The following YME1L1 variants were observed in gnomAD, a reference collection of about 807,000 sequenced individuals.
YME1L1 encodes the protein ATP-dependent zinc metalloprotease YME1L1.
YME1L1 carries 39 observed loss-of-function variants against 90.4 expected under a neutral mutation model. That is an observed-to-expected ratio of 0.43 (90% CI 0.33 to 0.56). The LOEUF (loss-of-function observed/expected upper bound fraction) is 0.56. YME1L1 is among the 20% of genes least tolerant of loss of function. The pLI, the probability that YME1L1 is intolerant of heterozygous loss-of-function variation, is 0.03. For synonymous variants in YME1L1, 284 were observed against 287.3 expected, an observed-to-expected ratio of 0.99 and a Z score of 0.12; for missense variants, 617 against 868.4, an observed-to-expected ratio of 0.71 and a Z score of 3.64.
At chr10:27,130,131 C>G (rs956272304) in intron 8 of YME1L1, among the ~76,000 whole-genome samples, 12 of 152,320 alleles carry the variant, frequency 7.9e-5, no homozygotes, top group African/African-American at 2.9e-4. Flanking sequence ...CACCAATGAC[C>G]TACTGCTAAA....
At chr10:27,124,705 C>T (rs992774828) in intron 9 of YME1L1, among the ~76,000 whole-genome samples, 2 of 150,918 alleles carry the variant, frequency 1.3e-5, no homozygotes, top group Non-Finnish European at 1.5e-5. Flanking sequence ...TTAAAATACT[C>T]CTTGTGATTA....
chr10:27,116,217 A>T lies in YME1L1; in HGVS notation c.1846+2T>A. 6.2e-7 allele frequency: 1 copy of T among 1,614,178 alleles called. No homozygotes were observed. The highest frequency in any genetic ancestry group is 8.5e-7 in the Non-Finnish European group (1 of 1,180,022). On this transcript the variant is annotated splice_donor_variant, in intron 16 of 18. Coordinates refer to ENST00000376016, the MANE Select transcript of YME1L1 (RefSeq NM_014263.4). LOFTEE classifies it high-confidence loss of function. ...GAACTAAAGCCATTCTTTAAAGCTAACCTGTTGTAATATGGTCGGTTCCAA... is the reference window on the plus strand; with the variant it reads ...GAACTAAAGCCATTCTTTAAAGCTATCCTGTTGTAATATGGTCGGTTCCAA...
intron 13 of YME1L1, 117 bp from the exon 14 acceptor site, chr10:27,119,566 T>G (rs1258060263): frequency 2.7e-6 from 3 of 1,121,470 alleles, no homozygotes; most frequent in African/African-American, 3.3e-5. Flanking sequence ...CCCAGCACTT[T>G]GGGAGGCTGG....
rs554122531 is a variant in YME1L1, at chr10:27,136,187, T to A, written c.540+89A>T. 1.8e-4 allele frequency: 187 copies of A among 1,040,196 alleles called. 1 individual carries two copies. Among genetic ancestry groups the A allele is most frequent in the Admixed American group, 1.2e-3 (55 of 46,904 alleles). The allele number at this position is 1,040,196 out of a possible 1,614,324, so 64.4% of individuals were successfully genotyped here. On this transcript the variant is annotated intron_variant, in intron 5 of 18. Coordinates refer to ENST00000376016, the MANE Select transcript of YME1L1 (RefSeq NM_014263.4). Reference sequence around the variant, plus strand: ...TAGTGGAAAGAAGGAAGAATATCTATCAGCCAACAAAAGAAATCAGATATT... The same window carrying A: ...TAGTGGAAAGAAGGAAGAATATCTAACAGCCAACAAAAGAAATCAGATATT...
intron 1 of YME1L1, chr10:27,153,332 C>G (rs1284460485): frequency 2.2e-6 from 1 of 458,184 alleles, no homozygotes; most frequent in Non-Finnish European, 4.4e-6. Flanking sequence ...AAAAGTTACA[C>G]AAAGGAACAC....
At chr10:27,115,995 C>T (rs186750519) in intron 17 of YME1L1, 65 bp downstream of exon 17, 1 of 1,394,318 alleles carries the variant, frequency 7.2e-7, no homozygotes. Flanking sequence ...ATAATCAGAA[C>T]CAGCTCTCAA....
At position 27,134,937 on chromosome 10, in the gene YME1L1, G is replaced by A. The variant is rs2057012115; in HGVS notation, c.585C>T (p.Asp195=). The A allele has an allele frequency of 2.5e-6, 4 of 1,613,138 alleles. No homozygotes were observed. The African/African-American group carries it at 5.3e-5, about 22-fold the overall frequency. Residue 195 remains aspartate, a synonymous_variant, in exon 6 of 19, where the codon GAC becomes GAT. Transcript: ENST00000376016. ...RDRGSDVESL[D]KLMKTKNIPE... is the part of the protein sequence containing the mutation. ...GTATATTTTTGGTTTTCATGAGTTT[G>A]TCCAAACTCTCAACATCTGATCCTC...
At chr10:27,115,725 A>G (rs2056806325) in intron 17 of YME1L1, among the ~76,000 whole-genome samples, 1 of 152,170 alleles carries the variant, frequency 6.6e-6, no homozygotes, top group Non-Finnish European at 1.5e-5. Context: ...AGGAACAATG[A>G]CAAGATGAAA....
In YME1L1 at chr10:27,147,399, A is replaced by C; in HGVS notation, c.168+1507T>G. 2.5e-6 allele frequency: 4 copies of C among 1,595,194 alleles called. No homozygotes were observed. The South Asian group carries it at 4.4e-5, about 18-fold the overall frequency. ...CTGGATGAGAGAGAAGGCTGATGGA[A>C]CAAGTGAAAGATGGCAAGAACCTGA... On this transcript the variant is annotated intron_variant, in intron 2 of 18. Coordinates refer to ENST00000376016, the MANE Select transcript of YME1L1 (RefSeq NM_014263.4).
rs933212273 is a variant in YME1L1 at position 27,139,382 on chromosome 10, T to C, written c.431-2997A>G. ...CTAATTTTTGTTGCTGTTGTTGAGA[T>C]GATGTCTGGGCTTGTTTTGAACTCC... is the stretch of plus-strand genomic sequence containing the variant. On this transcript the variant is annotated intron_variant, in intron 4 of 18. Transcript: ENST00000376016. Among the ~76,000 whole-genome samples the C allele has an allele frequency of 3.8e-4, 58 of 152,064 alleles. 1 individual carries two copies. Among genetic ancestry groups the C allele is most frequent in the Non-Finnish European group, 1.5e-5 (1 of 68,026 alleles).
At chr10:27,127,129 A>C (rs1564459945) in intron 8 of YME1L1, among the ~76,000 whole-genome samples, 1 of 152,240 alleles carries the variant, frequency 6.6e-6, no homozygotes, top group Non-Finnish European at 1.5e-5. Context: ...TTCACGCCAA[A>C]GGGCATTCTG....
At chr10:27,112,636 G>A (rs76006435) in intron 18 of YME1L1, among the ~76,000 whole-genome samples, 2,624 of 152,156 alleles carry the variant, frequency 0.017, 147 homozygotes, top group East Asian at 0.16. Flanking sequence ...CTATCCAACC[G>A]TCTTCATTGT....
chr10:27,145,369 A>G, intron 3 of YME1L1, 59 bp downstream of exon 3: 1 of 1,354,956 alleles, frequency 7.4e-7, no homozygotes, highest in Non-Finnish European at 1.0e-6. Flanking sequence ...AAGAAATGGT[A>G]TCTATAATTA....
chr10:27,117,658 T>C lies in YME1L1; in HGVS notation c.1637A>G (p.His546Arg). 1 of 1,614,236 alleles carries C rather than the reference T, an allele frequency of 6.2e-7. No individual in the cohort carries two copies. The change falls in exon 15 of 19, where the codon CAT (histidine) becomes CGT (arginine). Residue 546 changes from histidine to arginine, a missense_variant. This residue lies in a region of YME1L1 where 212 missense variants were observed against 330.0 expected (regional missense o/e 0.64). Coordinates refer to ENST00000376016, the MANE Select transcript of YME1L1 (RefSeq NM_014263.4). ...TTTTGTGTAATATGCAATAATGGCA[T>C]GACCAGATTCATGATATGCTGTGAT... The part of the protein sequence containing the change: ...KTITAYHESG[H>R]AIIAYYTKDA...
At chr10:27,132,688 G>T (rs1182730873) in intron 7 of YME1L1, among the ~76,000 whole-genome samples, 1 of 151,714 alleles carries the variant, frequency 6.6e-6, no homozygotes, top group Non-Finnish European at 1.5e-5. Context: ...GCATGGTGGC[G>T]CAAGCCTGTA....
At chr10:27,148,815 G>A (rs896068999) in intron 2 of YME1L1, 91 bp downstream of exon 2, 38 of 1,524,282 alleles carry the variant, frequency 2.5e-5, no homozygotes, top group Admixed American at 1.2e-4. Context: ...TTTTGACTAC[G>A]GGGGAGGGAC....
chr10:27,112,167 C>T lies in YME1L1; in HGVS notation c.2008-47G>A, dbSNP rs375162186. The T allele has an allele frequency of 7.1e-5, 110 of 1,550,046 alleles. 1 individual carries two copies. The highest frequency in any genetic ancestry group is 4.3e-5 in the Non-Finnish European group (49 of 1,147,438). On this transcript the variant is annotated intron_variant, in intron 18 of 18. Coordinates refer to ENST00000376016, the MANE Select transcript of YME1L1 (RefSeq NM_014263.4). ...GTAAGCAGCAGCAAATGCAGGGATGCGAAAACCAGTCAATGGGAAGAGAAA... is the reference window on the plus strand; with the variant it reads ...GTAAGCAGCAGCAAATGCAGGGATGTGAAAACCAGTCAATGGGAAGAGAAA...
intron 2 of YME1L1, chr10:27,147,379 TGA>T: frequency 1.3e-6 from 2 of 1,551,064 alleles, no homozygotes; most frequent in Non-Finnish European, 1.8e-6. Flanking sequence ...CTAGACTGGA[TGA>T]GAGAGAAGGC....
intron 1 of YME1L1, 99 bp from the exon 2 acceptor site, chr10:27,149,139 T>C: frequency 2.8e-6 from 3 of 1,074,198 alleles, no homozygotes; most frequent in Non-Finnish European, 2.7e-6. Context: ...AAAGGTACAT[T>C]ATATATCAAC....
Sources: gnomAD v4.1 joint callset for allele counts (sites outside exome capture counted in the v4.1 genomes callset) on GRCh38, gnomAD v4.1.1 for gene constraint, gnomAD v4.1.1 regional missense constraint, MANE v1.5 for transcripts, NCBI Gene and HGNC (gene_info 2026-07-23, HGNC 2026-07-21) for gene names.